SF3A3: variants seen among roughly 807,000 people sequenced by gnomAD.
SF3A3 encodes splicing factor 3a subunit 3.
A neutral mutation model predicts 85.8 loss-of-function variants in SF3A3; 9 were observed. The observed-to-expected ratio is 0.10, with a 90% CI of 0.06 to 0.18. The LOEUF (loss-of-function observed/expected upper bound fraction) is 0.18, where lower values mean the gene tolerates loss of function less well. Ranked by LOEUF, SF3A3 falls within the 10% of genes least tolerant of loss-of-function variation. SF3A3 has a pLI of 1.00. For missense variants in SF3A3, 306 were observed against 593.3 expected (o/e 0.52, Z 5.03); for synonymous variants, 195 against 204.4 (o/e 0.95, Z 0.39).
chr1:37,965,502 C>T (rs1646293185), intron 15 of SF3A3, among the ~76,000 whole-genome samples: 1 of 152,046 alleles, frequency 6.6e-6, no homozygotes, highest in Non-Finnish European at 1.5e-5. Context: ...GCCTGCAATC[C>T]CAGCACTTTC....
intron 2 of SF3A3, 49 bp from the exon 3 acceptor site, chr1:37,987,885 T>A: frequency 6.8e-7 from 1 of 1,478,440 alleles, no homozygotes; most frequent in Non-Finnish European, 9.5e-7. Context: ...TGCACAACTG[T>A]AGAGCTAAGC....
intron 8 of SF3A3, 124 bp downstream of exon 8, chr1:37,980,462 C>G: frequency 9.7e-7 from 1 of 1,035,838 alleles, no homozygotes. Flanking sequence ...CAGGGAATAC[C>G]TCATTGTCAC....
At chr1:37,966,954 A>AG (rs1356053535) in intron 15 of SF3A3, among the ~76,000 whole-genome samples, 1 of 135,946 alleles carries the variant, frequency 7.4e-6, no homozygotes. Context: ...AAAAAAAAAA[A>AG]AAAAAAATGC....
chr1:37,982,941 T>A (rs989090334), intron 6 of SF3A3, among the ~76,000 whole-genome samples: 2 of 150,990 alleles, frequency 1.3e-5, no homozygotes, highest in Non-Finnish European at 3.0e-5. Context: ...CAAAAAAAAA[T>A]TTTTTTTTTT....
At chr1:37,974,584 G>A (rs560629315) in intron 12 of SF3A3, among the ~76,000 whole-genome samples, 2 of 152,208 alleles carry the variant, frequency 1.3e-5, no homozygotes, top group Non-Finnish European at 1.5e-5. Flanking sequence ...TTACGGGCAT[G>A]AGCCACTGCG....
chr1:37,959,984 A>T, intron 16 of SF3A3, 136 bp downstream of exon 16: 2 of 597,236 alleles, frequency 3.3e-6, no homozygotes, highest in Non-Finnish European at 2.9e-6. Flanking sequence ...AAAAAGGAAA[A>T]GTCAATTTGT....
chr1:37,983,499 A>C (rs1235739740), intron 6 of SF3A3, among the ~76,000 whole-genome samples: 1 of 141,866 alleles, frequency 7.0e-6, no homozygotes, highest in Non-Finnish European at 1.5e-5. Flanking sequence ...GGCGGGATCC[A>C]TCACTTGAGT....
rs529365098 is a variant in SF3A3 at position 37,985,207 on chromosome 1, GA to G, written c.304-429del. Among the ~76,000 whole-genome samples the G allele has an allele frequency of 2.1e-4, 32 of 152,326 alleles. 1 individual carries two copies. In the South Asian group the frequency reaches 6.0e-3, roughly 29 times the overall value. ...TTATTTGGCCTTGATTTTTCACTAG[GA>G]AATCTACTACTGTTCTCCAATTACC... On this transcript the variant is annotated intron_variant, in intron 4 of 16. Transcript: ENST00000373019.
At chr1:37,970,666 G>A (rs935600047) in intron 12 of SF3A3, among the ~76,000 whole-genome samples, 12 of 151,750 alleles carry the variant, frequency 7.9e-5, no homozygotes, top group Admixed American at 2.0e-4. Context: ...TCTCTCAGAC[G>A]ACAGTGCAGT....
Position 37,976,012 on chromosome 1 carries a change from C to T in SF3A3, c.1005+872G>A, listed in dbSNP as rs906270834. Among the ~76,000 whole-genome samples, 4 of 152,146 alleles carry T rather than the reference C, an allele frequency of 2.6e-5. No homozygotes were observed. The East Asian group carries it at 5.8e-4, about 22-fold the overall frequency. On this transcript the variant is annotated intron_variant, in intron 12 of 16. Coordinates refer to ENST00000373019, the MANE Select transcript of SF3A3 (RefSeq NM_006802.4). ...TCTACTAAAAATACAAAAAACTAGT[C>T]GGGCGTGGTGGCGCATGCCTGTAGT...
At chr1:37,967,842 G>C (rs1301120222) in intron 15 of SF3A3, among the ~76,000 whole-genome samples, 1 of 152,008 alleles carries the variant, frequency 6.6e-6, no homozygotes, top group Non-Finnish European at 1.5e-5. Context: ...CCTGGCGACA[G>C]AGCGAGACTC....
rs1646222539 is a variant in SF3A3, at chr1:37,957,022, T to C, written c.*1164A>G. 6.6e-6 allele frequency: 1 copy of C among 152,230 alleles called. No homozygotes were observed. The highest frequency in any genetic ancestry group is 1.5e-5 in the Non-Finnish European group (1 of 68,050). The allele number at this position is 152,230 out of a possible 1,614,324, so 9.4% of individuals were successfully genotyped here. A position where few individuals can be genotyped will look rare whatever the true frequency, so the allele number is the denominator to read the frequency against. On this transcript the variant is annotated 3_prime_UTR_variant, in exon 17 of 17. Coordinates refer to ENST00000373019, the MANE Select transcript of SF3A3 (RefSeq NM_006802.4). ...TAAAAAACAGTTGAAGGTCTGAGTG[T>C]TGAGAGGCAAATGGGGTCTCTGGGG...
intron 15 of SF3A3, among the ~76,000 whole-genome samples, chr1:37,967,808 C>A (rs1455772276): frequency 6.6e-6 from 1 of 151,302 alleles, no homozygotes. Context: ...TGCAGTGGGC[C>A]AAGACTGCAC....
At chr1:37,975,803 T>G (rs962935299) in intron 12 of SF3A3, among the ~76,000 whole-genome samples, 2 of 152,204 alleles carry the variant, frequency 1.3e-5, no homozygotes, top group Admixed American at 1.3e-4. Context: ...ACAAGCTATC[T>G]GATCCAGAGC....
chr1:37,965,182 A>G (rs1220640072), intron 15 of SF3A3, among the ~76,000 whole-genome samples: 1 of 151,312 alleles, frequency 6.6e-6, no homozygotes, highest in Non-Finnish European at 1.5e-5. Context: ...ATAAAAAAAT[A>G]AAGTTGGGTG....
At chr1:37,973,868 T>G (rs540036254) in intron 12 of SF3A3, among the ~76,000 whole-genome samples, 32 of 152,190 alleles carry the variant, frequency 2.1e-4, no homozygotes, top group Non-Finnish European at 4.3e-4. Flanking sequence ...TAAGAAAATG[T>G]TGCACATATA....
chr1:37,970,604 GAAGTA>G (rs1646332250), intron 12 of SF3A3, among the ~76,000 whole-genome samples: 2 of 152,104 alleles, frequency 1.3e-5, no homozygotes, highest in Non-Finnish European at 2.9e-5. Flanking sequence ...CACATAGTTG[GAAGTA>G]AAGCACTCCT....
chr1:37,974,852 C>G (rs2148720236), intron 12 of SF3A3, among the ~76,000 whole-genome samples: 1 of 152,308 alleles, frequency 6.6e-6, no homozygotes, highest in South Asian at 2.1e-4. Flanking sequence ...TTCTCATTTC[C>G]TGAACATATA....
At chr1:37,984,900 C>A (rs996524919) in intron 4 of SF3A3, 121 bp from the exon 5 acceptor site, 4 of 731,844 alleles carry the variant, frequency 5.5e-6, no homozygotes, top group Admixed American at 4.5e-5. Flanking sequence ...CTCTACCTCC[C>A]GGGTTCAAGC....
Sources: gnomAD v4.1 joint callset for allele counts (sites outside exome capture counted in the v4.1 genomes callset) on GRCh38, gnomAD v4.1.1 for gene constraint, MANE v1.5 for transcripts, NCBI Gene and HGNC (gene_info 2026-07-23, HGNC 2026-07-21) for gene names.